Variants in ROR2 observed in about 807,000 individuals in gnomAD.
ROR2 encodes ROR family WNT receptor 2, also known as tyrosine-protein kinase transmembrane receptor ROR2.
In ROR2, 33 loss-of-function variants were observed where a neutral mutation model predicts 74.9. That is an observed-to-expected ratio of 0.44 (90% CI 0.33 to 0.59). ROR2 has a LOEUF of 0.59. Ranked by LOEUF, ROR2 falls within the 20% of genes least tolerant of loss-of-function variation. ROR2 has a pLI of 0.02. For missense variants in ROR2, 1,216 were observed against 1,313.8 expected, an observed-to-expected ratio of 0.93 and a Z score of 1.15; for synonymous variants, 586 against 558.7, an observed-to-expected ratio of 1.05 and a Z score of -0.69.
intron 1 of ROR2, among the ~76,000 whole-genome samples, chr9:91,831,824 A>T (rs1481369178): frequency 6.6e-6 from 1 of 152,164 alleles, no homozygotes; most frequent in Non-Finnish European, 1.5e-5. Context: ...AAAAAAATAA[A>T]AAAGCAAGGG....
At chr9:91,816,175 C>T (rs1017140445) in intron 1 of ROR2, among the ~76,000 whole-genome samples, 1 of 152,156 alleles carries the variant, frequency 6.6e-6, no homozygotes, top group Non-Finnish European at 1.5e-5. Context: ...CCTGGGCCTG[C>T]CCTCACGGTA....
intron 1 of ROR2, among the ~76,000 whole-genome samples, chr9:91,933,376 G>A (rs1313674291): frequency 3.3e-5 from 5 of 150,696 alleles, no homozygotes; most frequent in African/African-American, 4.9e-5. Context: ...TACTCACAGA[G>A]TTAAAAAAAA....
intron 1 of ROR2, among the ~76,000 whole-genome samples, chr9:91,937,029 C>CAAAAAAAAAAAAAAAAAAAAAAAAAA: frequency 1.5e-5 from 1 of 65,662 alleles, no homozygotes; most frequent in African/African-American, 6.1e-5. Context: ...GACTCCGTCT[C>CAAAAAAAAAAAAAAAAAAAAAAAAAA]AAAAAAAAAA....
At chr9:91,899,366 T>A (rs150293720) in intron 1 of ROR2, among the ~76,000 whole-genome samples, 291 of 152,222 alleles carry the variant, frequency 1.9e-3, no homozygotes, top group Non-Finnish European at 3.5e-3. Context: ...ACTTATACCA[T>A]GTGTGGGGCC....
At chr9:91,742,121 G>A (rs1825271747) in intron 4 of ROR2, among the ~76,000 whole-genome samples, 1 of 152,132 alleles carries the variant, frequency 6.6e-6, no homozygotes, top group African/African-American at 2.4e-5. Flanking sequence ...AATCATGGTG[G>A]GAGGCACAAG....
chr9:91,755,844 A>G (rs1825732604), intron 4 of ROR2: 6 of 611,826 alleles, frequency 9.8e-6, no homozygotes, highest in African/African-American at 5.5e-5. Context: ...CAATCACAGA[A>G]AGAAATTAAC....
At chr9:91,807,688 G>C (rs148816169) in intron 1 of ROR2, among the ~76,000 whole-genome samples, 1 of 152,222 alleles carries the variant, frequency 6.6e-6, no homozygotes, top group African/African-American at 2.4e-5. Flanking sequence ...AGGACACCCA[G>C]CTGGCGTCCA....
intron 1 of ROR2, among the ~76,000 whole-genome samples, chr9:91,921,507 G>C (rs553279763): frequency 6.6e-6 from 1 of 152,186 alleles, no homozygotes; most frequent in Non-Finnish European, 1.5e-5. Context: ...CAAGCCGCAG[G>C]CCTCTTTGTG....
intron 1 of ROR2, among the ~76,000 whole-genome samples, chr9:91,819,254 C>A (rs1007698756): frequency 6.6e-6 from 1 of 152,244 alleles, no homozygotes; most frequent in Admixed American, 6.5e-5. Flanking sequence ...AACCTTGTCA[C>A]TGAGCTGCTG....
intron 1 of ROR2, among the ~76,000 whole-genome samples, chr9:91,857,218 A>C (rs1375552798): frequency 6.6e-6 from 1 of 152,234 alleles, no homozygotes; most frequent in Non-Finnish European, 1.5e-5. Flanking sequence ...ACACAGGTCT[A>C]ACCATTTTTA....
chr9:91,815,098 T>G (rs1193575661), intron 1 of ROR2, among the ~76,000 whole-genome samples: 1 of 152,194 alleles, frequency 6.6e-6, no homozygotes, highest in Non-Finnish European at 1.5e-5. Flanking sequence ...GTAATACAAG[T>G]AATTTAATTC....
At chr9:91,926,427 C>G (rs764216619) in intron 1 of ROR2, among the ~76,000 whole-genome samples, 12 of 149,524 alleles carry the variant, frequency 8.0e-5, no homozygotes, top group Non-Finnish European at 1.5e-5. Context: ...ATGCCTATAA[C>G]GCCAGCTACT....
At chr9:91,746,514 GA>G (rs1259337221) in intron 4 of ROR2, among the ~76,000 whole-genome samples, 39 of 152,350 alleles carry the variant, frequency 2.6e-4, no homozygotes, top group Middle Eastern at 3.4e-3. Flanking sequence ...GCAATGGAAG[GA>G]GTTTGGGCTG....
At chr9:91,834,880 G>A (rs2119197303) in intron 1 of ROR2, among the ~76,000 whole-genome samples, 1 of 152,322 alleles carries the variant, frequency 6.6e-6, no homozygotes, top group African/African-American at 2.4e-5. Flanking sequence ...AAACCCGATA[G>A]CATGGGCTCT....
At chr9:91,784,322 G>A (rs192478877) in intron 1 of ROR2, among the ~76,000 whole-genome samples, 3 of 152,286 alleles carry the variant, frequency 2.0e-5, no homozygotes, top group Admixed American at 1.3e-4. Context: ...TGCTGTGGGC[G>A]ACTGCAGCAC....
chr9:91,738,198 T>G (rs929027321), intron 4 of ROR2, among the ~76,000 whole-genome samples: 1 of 152,202 alleles, frequency 6.6e-6, no homozygotes, highest in Non-Finnish European at 1.5e-5. Flanking sequence ...CAGCAATAAA[T>G]GTCTCACATG....
intron 1 of ROR2, among the ~76,000 whole-genome samples, chr9:91,780,370 C>G (rs1200494127): frequency 8.1e-6 from 1 of 122,922 alleles, no homozygotes; most frequent in Non-Finnish European, 1.6e-5. Flanking sequence ...GAGCAAGACT[C>G]CGTCTAAAAA....
At chr9:91,918,799 A>ATAAC (rs1831199773) in intron 1 of ROR2, among the ~76,000 whole-genome samples, 2 of 152,238 alleles carry the variant, frequency 1.3e-5, no homozygotes, top group African/African-American at 4.8e-5. Context: ...TCCTGTGCAC[A>ATAAC]TAACTGGTGG....
intron 1 of ROR2, among the ~76,000 whole-genome samples, chr9:91,847,534 G>A (rs1020186922): frequency 9.2e-5 from 14 of 152,258 alleles, no homozygotes; most frequent in African/African-American, 3.1e-4. Flanking sequence ...GAGGGCGCCA[G>A]AGGAGGCCCT....
Sources: allele counts gnomAD v4.1 joint callset (sites outside exome capture counted in the v4.1 genomes callset), GRCh38; gene constraint gnomAD v4.1.1; transcripts MANE v1.5; gene names NCBI Gene and HGNC (gene_info 2026-07-23, HGNC 2026-07-21).